Variants in ERLEC1 observed in about 807,000 individuals in gnomAD.
ERLEC1 encodes the protein ER lectin.
ERLEC1 carries 47 observed loss-of-function variants against 68.0 expected under a neutral mutation model. That is an observed-to-expected ratio of 0.69 (90% CI 0.55 to 0.88). The LOEUF (loss-of-function observed/expected upper bound fraction) is 0.88. Ranked by LOEUF, ERLEC1 falls within the 40% of genes least tolerant of loss-of-function variation. The pLI, the probability that ERLEC1 is intolerant of heterozygous loss-of-function variation, is 0.00. For missense variants in ERLEC1, 567 were observed against 583.8 expected, an observed-to-expected ratio of 0.97 and a Z score of 0.30; for synonymous variants, 225 against 203.2, an observed-to-expected ratio of 1.11 and a Z score of -0.91.
At chr2:53,809,080 T>G in intron 9 of ERLEC1, 134 bp from the exon 10 acceptor site, 1 of 653,452 alleles carries the variant, frequency 1.5e-6, no homozygotes, top group Non-Finnish European at 2.6e-6. Context: ...CTCAGTAATG[T>G]TTTCTTTTAA....
Position 53,799,041 on chromosome 2 carries a change from C to T in ERLEC1, c.491-6C>T, listed in dbSNP as rs371728071. On this transcript the variant is annotated splice_region_variant and splice_polypyrimidine_tract_variant and intron_variant, in intron 5 of 13. Coordinates refer to ENST00000185150, the MANE Select transcript of ERLEC1 (RefSeq NM_015701.5). ...CATTCTTTACACTTACCTTATTATT[C>T]CACAGAACGAGAAGCAGAAGAAAAG... 1.0e-4 allele frequency: 165 copies of T among 1,611,920 alleles called. No individual in the cohort carries two copies. The Middle Eastern group carries it at 1.8e-3, about 18-fold the overall frequency.
intron 8 of ERLEC1, among the ~76,000 whole-genome samples, chr2:53,804,672 A>G (rs1676183816): frequency 6.6e-6 from 1 of 152,190 alleles, no homozygotes; most frequent in Admixed American, 6.5e-5. Context: ...CCTTTGTGTT[A>G]CAAACAATCC....
intron 1 of ERLEC1, among the ~76,000 whole-genome samples, chr2:53,789,590 G>A (rs1183377127): frequency 1.3e-5 from 2 of 151,946 alleles, no homozygotes; most frequent in Non-Finnish European, 2.9e-5. Context: ...GCTACTTTGA[G>A]AAAAATCTAG....
At chr2:53,788,222 C>T (rs1170854038) in intron 1 of ERLEC1, among the ~76,000 whole-genome samples, 1 of 152,190 alleles carries the variant, frequency 6.6e-6, no homozygotes, top group African/African-American at 2.4e-5. Flanking sequence ...TTCCAATTAC[C>T]TTCAAGCATT....
intron 10 of ERLEC1, among the ~76,000 whole-genome samples, chr2:53,809,598 G>A (rs1676479610): frequency 6.6e-6 from 1 of 152,080 alleles, no homozygotes; most frequent in Non-Finnish European, 1.5e-5. Context: ...TTAAGAAAAT[G>A]AATTAGCCGG....
Position 53,793,689 on chromosome 2 carries a change from C to T in ERLEC1, c.163-656C>T, listed in dbSNP as rs375538982. On this transcript the variant is annotated intron_variant, in intron 1 of 13. Coordinates refer to ENST00000185150, the MANE Select transcript of ERLEC1 (RefSeq NM_015701.5). Reference sequence around the variant, plus strand: ...CTTGAACTCCTGGGCTAAAGTAGTCCTCCCACCTCAACCTCCCAAGTATAA... The same window carrying T: ...CTTGAACTCCTGGGCTAAAGTAGTCTTCCCACCTCAACCTCCCAAGTATAA... Among the ~76,000 whole-genome samples the T allele has an allele frequency of 8.6e-5, 13 of 152,024 alleles. No homozygotes were observed. The East Asian group carries it at 1.7e-3, about 20-fold the overall frequency.
At chr2:53,797,886 CAT>C in intron 5 of ERLEC1, 91 bp downstream of exon 5, 1 of 1,185,576 alleles carries the variant, frequency 8.4e-7, no homozygotes, top group Non-Finnish European at 1.2e-6. Flanking sequence ...TTTTTTTGGA[CAT>C]TGTGTGAATT....
chr2:53,813,090 C>T lies in ERLEC1; in HGVS notation c.1226+17C>T, dbSNP rs781543277. 2 of 1,601,932 alleles carry T rather than the reference C, an allele frequency of 1.2e-6. No individual in the cohort carries two copies. Among genetic ancestry groups the T allele is most frequent in the Non-Finnish European group, 1.7e-6 (2 of 1,177,428 alleles). ...GACAGTCAGGTAAAGATTCACTTTACTTGCCTTTGGAGCTAATTACTACAA... is the reference window on the plus strand; with the variant it reads ...GACAGTCAGGTAAAGATTCACTTTATTTGCCTTTGGAGCTAATTACTACAA... On this transcript the variant is annotated intron_variant, in intron 11 of 13. Coordinates refer to ENST00000185150, the MANE Select transcript of ERLEC1 (RefSeq NM_015701.5).
In ERLEC1 at chr2:53,794,282, A is replaced by C. The variant is rs1048105012; in HGVS notation, c.163-63A>C. 2.2e-5 allele frequency: 15 copies of C among 679,004 alleles called. No individual in the cohort carries two copies. In the East Asian group the frequency reaches 4.4e-4, roughly 20 times the overall value. 42.1% of individuals were successfully genotyped at this position (679,004 alleles called of 1,614,324 possible). On this transcript the variant is annotated intron_variant, in intron 1 of 13. Transcript: ENST00000185150. Reference sequence around the variant, plus strand: ...AGAATCTTTTTTCCAGCTAAGACTAAAGTTATTCAGTGTGATACAATTTCA... The same window carrying C: ...AGAATCTTTTTTCCAGCTAAGACTACAGTTATTCAGTGTGATACAATTTCA...
At chr2:53,798,194 C>A (rs749624053) in intron 5 of ERLEC1, among the ~76,000 whole-genome samples, 1 of 151,974 alleles carries the variant, frequency 6.6e-6, no homozygotes, top group East Asian at 1.9e-4. Flanking sequence ...GACTCCATTT[C>A]AAAATAAAAT....
At chr2:53,813,750 C>T (rs922786206) in intron 11 of ERLEC1, among the ~76,000 whole-genome samples, 7 of 151,416 alleles carry the variant, frequency 4.6e-5, no homozygotes, top group African/African-American at 1.7e-4. Context: ...ACTGACTTTT[C>T]GGGCTGATAA....
chr2:53,814,734 A>C, intron 12 of ERLEC1, 114 bp downstream of exon 12: 1 of 999,774 alleles, frequency 1.0e-6, no homozygotes, highest in Admixed American at 2.4e-5. Context: ...ATACCATTTA[A>C]ATTATTGATA....
chr2:53,817,707 A>C (rs931736138), intron 13 of ERLEC1, among the ~76,000 whole-genome samples, 191 bp from the exon 14 acceptor site: 1 of 152,014 alleles, frequency 6.6e-6, no homozygotes, highest in Admixed American at 6.6e-5. Context: ...TTCTCCACCT[A>C]TCTCATATTC....
intron 13 of ERLEC1, among the ~76,000 whole-genome samples, 196 bp downstream of exon 13, chr2:53,815,131 G>T (rs373980881): frequency 1.3e-5 from 2 of 149,272 alleles, no homozygotes; most frequent in Non-Finnish European, 3.0e-5. Flanking sequence ...TCAGCCTCCC[G>T]AGTAACTGGG....
chr2:53,816,427 T>A (rs1166875331), intron 13 of ERLEC1, among the ~76,000 whole-genome samples: 1 of 151,902 alleles, frequency 6.6e-6, no homozygotes, highest in Non-Finnish European at 1.5e-5. Context: ...TGGTACCACG[T>A]CCGGCTAATT....
At chr2:53,816,271 T>G (rs1216288834) in intron 13 of ERLEC1, among the ~76,000 whole-genome samples, 1 of 149,814 alleles carries the variant, frequency 6.7e-6, no homozygotes, top group Non-Finnish European at 1.5e-5. Flanking sequence ...GTTGGTTTTT[T>G]TTTTTTTTTT....
intron 10 of ERLEC1, 65 bp downstream of exon 10, chr2:53,809,338 G>GA: frequency 1.9e-6 from 2 of 1,066,114 alleles, no homozygotes; most frequent in Non-Finnish European, 2.7e-6. Context: ...ATCTGTTGTA[G>GA]AAAAAAAGGG....
chr2:53,808,350 A>G lies in ERLEC1; in HGVS notation c.931A>G (p.Ile311Val). The change falls in exon 9 of 14, where the codon ATT becomes GTT. Residue 311 changes from isoleucine to valine, a missense_variant. Coordinates refer to ENST00000185150, the MANE Select transcript of ERLEC1 (RefSeq NM_015701.5). ...GAGATTTCCAGCGATCCACAAGTCG[A>G]TTGCTATTGGCTCTCAGCCAGTGCT... ...EERFPAIHKS[I>V]AIGSQPVLTV... 1.9e-6 allele frequency: 3 copies of G among 1,614,180 alleles called. No individual in the cohort carries two copies. In the South Asian group the frequency reaches 3.3e-5, roughly 18 times the overall value.
chr2:53,798,713 A>G (rs572154023), intron 5 of ERLEC1, among the ~76,000 whole-genome samples: 8 of 151,898 alleles, frequency 5.3e-5, no homozygotes, highest in African/African-American at 1.9e-4. Context: ...AAATAGATAT[A>G]TCTCTCAAAT....
Sources: allele counts gnomAD v4.1 joint callset (sites outside exome capture counted in the v4.1 genomes callset), GRCh38; gene constraint gnomAD v4.1.1; transcripts MANE v1.5; gene names NCBI Gene and HGNC (gene_info 2026-07-23, HGNC 2026-07-21).